The following RAD51B variants were observed in gnomAD, a reference collection of about 807,000 sequenced individuals.
The protein encoded by RAD51B is DNA repair protein RAD51 homolog 2.
A neutral mutation model predicts 42.2 loss-of-function variants in RAD51B; 38 were observed. That is an observed-to-expected ratio of 0.90 (90% CI 0.70 to 1.18). The LOEUF is 1.18. Among genes scored for constraint, RAD51B ranks in the 50% most tolerant of loss-of-function variants. The probability of loss-of-function intolerance (pLI) is 0.00; values close to 1 mark genes in which losing one functional copy is unlikely to be tolerated. For missense variants in RAD51B, 373 were observed against 400.7 expected (o/e 0.93, Z 0.59); for synonymous variants, 154 against 145.2 (o/e 1.06, Z -0.43).
chr14:68,516,703 C>A (rs1886178653), intron 10 of RAD51B, among the ~76,000 whole-genome samples: 1 of 152,178 alleles, frequency 6.6e-6, no homozygotes, highest in Non-Finnish European at 1.5e-5. Flanking sequence ...CTGGCTTGTA[C>A]TCTGAATAGA....
At chr14:68,671,077 C>A (rs1404447108) in intron 11 of RAD51B, among the ~76,000 whole-genome samples, 1 of 152,160 alleles carries the variant, frequency 6.6e-6, no homozygotes, top group Non-Finnish European at 1.5e-5. Flanking sequence ...CCAGTCTCTT[C>A]CCAGTCTAGC....
intron 10 of RAD51B, among the ~76,000 whole-genome samples, chr14:68,546,536 T>C (rs1888245495): frequency 6.6e-6 from 1 of 152,130 alleles, no homozygotes; most frequent in South Asian, 2.1e-4. Context: ...CAGTAGACAG[T>C]TGGAAATATA....
rs1005737897 is a variant in RAD51B, at chr14:68,534,822, A to G, written c.1037-59663A>G. Among the ~76,000 whole-genome samples the G allele has an allele frequency of 3.3e-5, 5 of 152,310 alleles. No homozygotes were observed. The East Asian group carries it at 7.7e-4, about 23-fold the overall frequency. ...TGTTCATTGATCTGTCCCAAGAACT[A>G]AAACAGTGCCTGGAACATTGTGGAT... On this transcript the variant is annotated intron_variant, in intron 10 of 10. Coordinates refer to the RAD51B transcript ENST00000487270.
At chr14:68,516,257 A>C (rs958919485) in intron 10 of RAD51B, among the ~76,000 whole-genome samples, 2 of 152,264 alleles carry the variant, frequency 1.3e-5, no homozygotes, top group Non-Finnish European at 2.9e-5. Context: ...ATTGTTAATG[A>C]ATAAATTAAC....
rs1187102239 is a variant in RAD51B, at chr14:68,611,497, G to A, written c.*250G>A. ...CTTCTGCAGAGTGATTAGAGCTTCT[G>A]CCCTCCTTGCAGCATCTCTATTGTA... On this transcript the variant is annotated 3_prime_UTR_variant, in exon 11 of 11. Transcript: ENST00000487861. The A allele has an allele frequency of 1.3e-4, 67 of 522,062 alleles. 1 individual carries two copies. The East Asian group carries it at 2.2e-3, about 17-fold the overall frequency. 32.3% of individuals were successfully genotyped at this position (522,062 alleles called of 1,614,324 possible). A position where few individuals can be genotyped will look rare whatever the true frequency, so the allele number is the denominator to read the frequency against.
At chr14:68,054,012 T>G (rs1444442610) in intron 7 of RAD51B, among the ~76,000 whole-genome samples, 3 of 152,386 alleles carry the variant, frequency 2.0e-5, no homozygotes, top group Middle Eastern at 3.4e-3. Context: ...TCCCTCTGAA[T>G]TTTTGGAATT....
chr14:67,919,406 C>G (rs1244004040), intron 7 of RAD51B, among the ~76,000 whole-genome samples: 1 of 152,190 alleles, frequency 6.6e-6, no homozygotes. Flanking sequence ...TCCTCCCTTT[C>G]TCCCCTAAAG....
intron 10 of RAD51B, among the ~76,000 whole-genome samples, chr14:68,546,865 A>G (rs1056953052): frequency 6.6e-6 from 1 of 152,194 alleles, no homozygotes; most frequent in African/African-American, 2.4e-5. Context: ...AGTTCTTACC[A>G]TGTTAATGTT....
chr14:68,611,133 C>CA lies in RAD51B; in HGVS notation c.1165dup (p.Ser389LysfsTer34). The CA allele has an allele frequency of 2.8e-6, 2 of 703,204 alleles. No individual in the cohort carries two copies. The highest frequency in any genetic ancestry group is 5.2e-6 in the Non-Finnish European group (2 of 385,054). The allele number at this position is 703,204 out of a possible 1,614,324, so 43.6% of individuals were successfully genotyped here. A position where few individuals can be genotyped will look rare whatever the true frequency, so the allele number is the denominator to read the frequency against. On this transcript the variant is annotated frameshift_variant, in exon 11 of 11. Transcript: ENST00000487861. LOFTEE classifies it low-confidence loss of function (END_TRUNC). ...AAACAAGGAATCCCAGGCTGTTACC[C>CA]AGTGTCTCCATGTGCCCTCCACAGA...
chr14:68,212,764 G>T lies in RAD51B; in HGVS notation c.757-79120G>T, dbSNP rs1274656. Among the ~76,000 whole-genome samples, 2 of 152,184 alleles carry T rather than the reference G, an allele frequency of 1.3e-5. 1 individual carries two copies. Among genetic ancestry groups the T allele is most frequent in the South Asian group, 4.1e-4 (2 of 4,828 alleles). ...TTAGAGTGGATTACTGAATGATTACGTGTGAGAAAAATGTGATTATTAGGA... is the reference window on the plus strand; with the variant it reads ...TTAGAGTGGATTACTGAATGATTACTTGTGAGAAAAATGTGATTATTAGGA... On this transcript the variant is annotated intron_variant, in intron 7 of 10. Coordinates refer to ENST00000471583, the MANE Select transcript of RAD51B (RefSeq NM_133510.4).
intron 7 of RAD51B, among the ~76,000 whole-genome samples, chr14:68,247,652 A>G (rs531718904): frequency 6.6e-6 from 1 of 152,218 alleles, no homozygotes; most frequent in African/African-American, 2.4e-5. Context: ...AATTTTAAGG[A>G]GAAACACTTG....
intron 7 of RAD51B, among the ~76,000 whole-genome samples, chr14:68,244,996 G>C (rs2080465607): frequency 6.6e-6 from 1 of 152,166 alleles, no homozygotes; most frequent in Admixed American, 6.5e-5. Flanking sequence ...TTTGGAAGGA[G>C]GGTTAAAGAA....
chr14:68,611,304 T>C (rs1276883051), exon 11 of RAD51B: 1 of 697,694 alleles, frequency 1.4e-6, no homozygotes, highest in South Asian at 1.5e-5. Flanking sequence ...CGACAGCAAC[T>C]ATAATTCTAC....
exon 11 of RAD51B, chr14:68,595,087 T>G (rs2140085194): frequency 9.4e-7 from 1 of 1,067,328 alleles, no homozygotes; most frequent in South Asian, 4.5e-5. Context: ...CCTTCCCCTC[T>G]GCCTAGATGA....
At position 68,202,344 on chromosome 14, in the gene RAD51B, C is replaced by T. The variant is rs904008288; in HGVS notation, c.757-89540C>T. ...TACTGCATTAATAGACTCTTCCTTT[C>T]ATGAAATATTGCTCTATAGCATGTC... On this transcript the variant is annotated intron_variant, in intron 7 of 10. Coordinates refer to ENST00000471583, the MANE Select transcript of RAD51B (RefSeq NM_133510.4). Among the ~76,000 whole-genome samples, 99 of 152,204 alleles carry T rather than the reference C, an allele frequency of 6.5e-4. 1 individual carries two copies. The highest frequency in any genetic ancestry group is 2.4e-3 in the African/African-American group (99 of 41,528).
At chr14:68,635,351 T>C (rs1892321204) in intron 10 of RAD51B, among the ~76,000 whole-genome samples, 1 of 152,190 alleles carries the variant, frequency 6.6e-6, no homozygotes, top group African/African-American at 2.4e-5. Flanking sequence ...GTAAAATTTC[T>C]AGTGAGCCAA....
intron 7 of RAD51B, among the ~76,000 whole-genome samples, chr14:68,131,155 C>A (rs1351379017): frequency 6.6e-6 from 1 of 152,098 alleles, no homozygotes; most frequent in Non-Finnish European, 1.5e-5. Context: ...CAGTGACAAC[C>A]ATATCATTAC....
At chr14:68,601,119 T>A (rs1891199614) in intron 10 of RAD51B, among the ~76,000 whole-genome samples, 1 of 152,134 alleles carries the variant, frequency 6.6e-6, no homozygotes, top group South Asian at 2.1e-4. Flanking sequence ...ACAAAAGACC[T>A]GATCCCCAAG....
intron 10 of RAD51B, chr14:68,541,944 C>A (rs992097193): frequency 5.7e-6 from 3 of 525,232 alleles, no homozygotes; most frequent in African/African-American, 2.1e-5. Context: ...TGATTTAACA[C>A]CCCATCAGTA....
Sources: allele counts gnomAD v4.1 joint callset (sites outside exome capture counted in the v4.1 genomes callset), GRCh38; gene constraint gnomAD v4.1.1; transcripts MANE v1.5; gene names NCBI Gene and HGNC (gene_info 2026-07-23, HGNC 2026-07-21).